Variants in PITPNB observed in about 807,000 individuals in gnomAD.
PITPNB encodes phosphatidylinositol transfer protein beta.
PITPNB carries 16 observed loss-of-function variants against 45.9 expected under a neutral mutation model. The ratio of observed to expected loss-of-function variants is 0.35; its 90% CI spans 0.24 to 0.53. The LOEUF is 0.53. Ranked by LOEUF, PITPNB falls within the 20% of genes least tolerant of loss-of-function variation. The pLI, the probability that PITPNB is intolerant of heterozygous loss-of-function variation, is 0.93. For missense variants in PITPNB, 188 were observed against 330.5 expected (o/e 0.57, Z 3.34); for synonymous variants, 112 against 108.9 (o/e 1.03, Z -0.18).
At chr22:27,870,156 T>G (rs1306107181) in intron 8 of PITPNB, among the ~76,000 whole-genome samples, 5 of 152,198 alleles carry the variant, frequency 3.3e-5, no homozygotes, top group Non-Finnish European at 7.3e-5. Flanking sequence ...ATGGCAGACA[T>G]TCTGCTGTTT....
rs998519660 is a variant in PITPNB at position 27,853,676 on chromosome 22, T to C, written c.*39-13A>G. Reference sequence around the variant, plus strand: ...CTTGATTACGTAACTGTAAGAAAAGTGAAAGACAGTGCAAAATGTGTTAAA... The same window carrying C: ...CTTGATTACGTAACTGTAAGAAAAGCGAAAGACAGTGCAAAATGTGTTAAA... On this transcript the variant is annotated splice_polypyrimidine_tract_variant and intron_variant, in intron 11 of 11. Transcript: ENST00000335272. 4.1e-5 allele frequency: 63 copies of C among 1,541,676 alleles called. No individual in the cohort carries two copies. The highest frequency in any genetic ancestry group is 5.2e-5 in the Non-Finnish European group (59 of 1,138,700).
rs1209970977 is a variant in PITPNB, at chr22:27,851,690, A to AT, written c.*2011dup. On this transcript the variant is annotated 3_prime_UTR_variant, in exon 12 of 12. Transcript: ENST00000335272. ...CAAGTGGCATTTTGTGATCAAATTT[A>AT]TTTTTTGTTTAAATTTCATTTACTT... is the stretch of plus-strand genomic sequence containing the variant. 1 of 152,196 alleles carries AT rather than the reference A, an allele frequency of 6.6e-6. No homozygotes were observed. The highest frequency in any genetic ancestry group is 2.4e-5 in the African/African-American group (1 of 41,454). 9.4% of individuals were successfully genotyped at this position (152,196 alleles called of 1,614,324 possible).
rs1278553421 is a variant in PITPNB, at chr22:27,915,644, ACT to A, written c.21-1299_21-1298del. Among the ~76,000 whole-genome samples, 17 of 152,122 alleles carry A rather than the reference ACT, an allele frequency of 1.1e-4. No individual in the cohort carries two copies. The East Asian group carries it at 3.1e-3, about 28-fold the overall frequency. On this transcript the variant is annotated intron_variant, in intron 1 of 11. Transcript: ENST00000335272. ...TAACGGTGATTCAAAAACAATGAAC[ACT>A]CTCAAATCCACAATGGTCACTAATT...
intron 7 of PITPNB, among the ~76,000 whole-genome samples, chr22:27,885,565 A>C (rs1184931421): frequency 6.6e-6 from 1 of 152,178 alleles, no homozygotes; most frequent in East Asian, 1.9e-4. Flanking sequence ...GCTGGAGTAC[A>C]GTGGCATGAT....
intron 10 of PITPNB, among the ~76,000 whole-genome samples, chr22:27,856,256 A>AT (rs1934168868): frequency 6.6e-6 from 1 of 152,226 alleles, no homozygotes; most frequent in Non-Finnish European, 1.5e-5. Flanking sequence ...CAATGTGGGT[A>AT]TAAGAATGGT....
At chr22:27,884,178 C>T in intron 7 of PITPNB, among the ~76,000 whole-genome samples, 1 of 152,108 alleles carries the variant, frequency 6.6e-6, no homozygotes, top group East Asian at 1.9e-4. Flanking sequence ...GGCAGGAGGG[C>T]TGCAGCACTC....
intron 7 of PITPNB, among the ~76,000 whole-genome samples, chr22:27,874,845 G>A (rs1934774599): frequency 6.6e-6 from 1 of 152,192 alleles, no homozygotes; most frequent in South Asian, 2.1e-4. Flanking sequence ...AATTCGTGAA[G>A]AGACCCCATA....
At chr22:27,875,466 A>G (rs1934795447) in intron 7 of PITPNB, among the ~76,000 whole-genome samples, 1 of 152,218 alleles carries the variant, frequency 6.6e-6, no homozygotes, top group African/African-American at 2.4e-5. Context: ...CCTAAAAATG[A>G]ATAACTCCAC....
intron 8 of PITPNB, among the ~76,000 whole-genome samples, chr22:27,869,212 GCA>G (rs1934576879): frequency 6.6e-6 from 1 of 152,102 alleles, no homozygotes; most frequent in Non-Finnish European, 1.5e-5. Context: ...CTATTACTAT[GCA>G]CACAGTCACT....
chr22:27,866,899 A>C (rs751507544), intron 8 of PITPNB, among the ~76,000 whole-genome samples: 2 of 152,180 alleles, frequency 1.3e-5, no homozygotes, highest in Non-Finnish European at 2.9e-5. Context: ...GCATCAGTAA[A>C]TATCAACACA....
chr22:27,909,218 T>G (rs1935848793), intron 3 of PITPNB, among the ~76,000 whole-genome samples: 1 of 149,704 alleles, frequency 6.7e-6, no homozygotes, highest in African/African-American at 2.5e-5. Context: ...TTTTTTTTTT[T>G]TTTTTTTTTT....
At chr22:27,916,483 C>T (rs945169460) in intron 1 of PITPNB, among the ~76,000 whole-genome samples, 2 of 152,146 alleles carry the variant, frequency 1.3e-5, no homozygotes, top group African/African-American at 2.4e-5. Context: ...CAGCCCACCT[C>T]GAAAGTCATT....
intron 7 of PITPNB, among the ~76,000 whole-genome samples, chr22:27,889,198 AG>A (rs1019862732): frequency 8.5e-5 from 13 of 152,286 alleles, no homozygotes; most frequent in African/African-American, 2.6e-4. Context: ...AGAAACTCTT[AG>A]GATTATGTGA....
intron 2 of PITPNB, among the ~76,000 whole-genome samples, chr22:27,913,010 G>T (rs1021105451): frequency 2.7e-5 from 4 of 150,794 alleles, no homozygotes; most frequent in South Asian, 2.1e-4. Flanking sequence ...AAAAGGTGGG[G>T]GGGGGAGTAT....
At chr22:27,893,651 A>G (rs1935353754) in intron 7 of PITPNB, among the ~76,000 whole-genome samples, 1 of 133,058 alleles carries the variant, frequency 7.5e-6, no homozygotes, top group Non-Finnish European at 1.5e-5. Flanking sequence ...GTGCAGTGGT[A>G]CGATCACGGC....
chr22:27,893,285 T>C (rs1304843417), intron 7 of PITPNB, among the ~76,000 whole-genome samples: 2 of 149,342 alleles, frequency 1.3e-5, no homozygotes, highest in South Asian at 2.2e-4. Flanking sequence ...GTCTGTTTTT[T>C]CCTTTTTTTT....
intron 7 of PITPNB, 21 bp from the exon 8 acceptor site, chr22:27,873,836 A>C: frequency 6.5e-7 from 1 of 1,530,152 alleles, no homozygotes; most frequent in Non-Finnish European, 9.1e-7. Context: ...AAACAAAGTC[A>C]GAGGCAGAGA....
intron 3 of PITPNB, among the ~76,000 whole-genome samples, chr22:27,910,020 G>A (rs1055587736): frequency 9.5e-5 from 14 of 146,688 alleles, no homozygotes; most frequent in East Asian, 2.0e-4. Flanking sequence ...GTGTGATCTC[G>A]GCTCACTGCA....
In PITPNB at chr22:27,911,216, C is replaced by T. The variant is rs566750591; in HGVS notation, c.52-107G>A. 1.5e-5 allele frequency: 11 copies of T among 721,222 alleles called. No individual in the cohort carries two copies. The South Asian group carries it at 2.0e-4, about 13-fold the overall frequency. The allele number at this position is 721,222 out of a possible 1,614,324, so 44.7% of individuals were successfully genotyped here. On this transcript the variant is annotated intron_variant, in intron 2 of 11. Coordinates refer to ENST00000335272, the MANE Select transcript of PITPNB (RefSeq NM_012399.5). The stretch of plus-strand genomic sequence containing the variant: ...ATGATATAGAAAAGCATATCCAAAC[C>T]ATTCAGCACAACTGTGTTCAATATG...
Sources: allele counts gnomAD v4.1 joint callset (sites outside exome capture counted in the v4.1 genomes callset), GRCh38; gene constraint gnomAD v4.1.1; transcripts MANE v1.5; gene names NCBI Gene and HGNC (gene_info 2026-07-23, HGNC 2026-07-21).